Variants in PDE2A observed in about 807,000 individuals in gnomAD.
PDE2A encodes cGMP-dependent 3',5'-cyclic phosphodiesterase.
PDE2A carries 53 observed loss-of-function variants against 133.6 expected under a neutral mutation model. The observed-to-expected ratio is 0.40, with a 90% CI of 0.32 to 0.50. The LOEUF (loss-of-function observed/expected upper bound fraction) is 0.50, where lower values mean the gene tolerates loss of function less well. PDE2A is among the 20% of genes least tolerant of loss of function. PDE2A has a pLI of 0.73. For missense variants in PDE2A, 796 were observed against 1,232.4 expected (o/e 0.65, Z 5.30); for synonymous variants, 491 against 490.2 (o/e 1.00, Z -0.02).
intron 1 of PDE2A, chr11:72,652,378 CTGGAATTACAGGTGCATGA>C (rs1565192901): frequency 1.1e-4 from 44 of 402,930 alleles, no homozygotes; most frequent in Middle Eastern, 8.5e-4. Flanking sequence ...TCCCTAGTAG[CTGGAATTACAGGTGCATGA>C]CATGGCACCC....
At chr11:72,653,061 G>A (rs144307776) in intron 1 of PDE2A, among the ~76,000 whole-genome samples, 28 of 152,348 alleles carry the variant, frequency 1.8e-4, no homozygotes, top group African/African-American at 5.1e-4. Flanking sequence ...AGCACCCGTC[G>A]CTATGGAAGC....
chr11:72,599,127 T>C (rs539062402), intron 4 of PDE2A: 5 of 647,004 alleles, frequency 7.7e-6, no homozygotes, highest in Non-Finnish European at 9.6e-6. Context: ...CTTGCGTTGC[T>C]GGTCAGTGCG....
At chr11:72,584,400 T>C in intron 18 of PDE2A, 87 bp from the exon 19 acceptor site, 1 of 1,243,772 alleles carries the variant, frequency 8.0e-7, no homozygotes, top group Non-Finnish European at 1.2e-6. Flanking sequence ...CCCTCGCAGT[T>C]TCCGCAGGTT....
chr11:72,581,002 A>G (rs1471219720), intron 23 of PDE2A, 29 bp from the exon 24 acceptor site: 5 of 1,498,486 alleles, frequency 3.3e-6, no homozygotes, highest in Admixed American at 1.7e-5. Context: ...GGAGAAAAAA[A>G]AGAGGTCAGC....
At chr11:72,635,662 C>T (rs904855906) in intron 2 of PDE2A, among the ~76,000 whole-genome samples, 11 of 152,232 alleles carry the variant, frequency 7.2e-5, no homozygotes, top group Non-Finnish European at 1.5e-4. Flanking sequence ...TCATATATCG[C>T]TTGGAGATAT....
intron 2 of PDE2A, among the ~76,000 whole-genome samples, chr11:72,628,624 C>T (rs1196214801): frequency 6.6e-6 from 1 of 152,166 alleles, no homozygotes; most frequent in Non-Finnish European, 1.5e-5. Flanking sequence ...CCACCGCTCC[C>T]GGCAGTGATA....
intron 2 of PDE2A, among the ~76,000 whole-genome samples, chr11:72,637,092 T>C (rs1858733882): frequency 1.5e-5 from 2 of 137,386 alleles, no homozygotes; most frequent in South Asian, 2.1e-4. Context: ...CTCTCCCCTC[T>C]GTCCAGAACT....
chr11:72,642,375 A>G, intron 1 of PDE2A, 49 bp from the exon 2 acceptor site: 1 of 1,340,986 alleles, frequency 7.5e-7, no homozygotes, highest in Non-Finnish European at 9.6e-7. Flanking sequence ...CACCAGGACC[A>G]TGCTCGCAGC....
At chr11:72,654,283 G>A (rs1448831333) in intron 1 of PDE2A, among the ~76,000 whole-genome samples, 1 of 152,190 alleles carries the variant, frequency 6.6e-6, no homozygotes, top group African/African-American at 2.4e-5. Flanking sequence ...GAAGTGGCAG[G>A]CACTTGACGG....
At chr11:72,603,418 C>T (rs1337596336) in intron 4 of PDE2A, among the ~76,000 whole-genome samples, 1 of 152,212 alleles carries the variant, frequency 6.6e-6, no homozygotes, top group Non-Finnish European at 1.5e-5. Context: ...TACGCACCCA[C>T]TCTACATGCC....
At chr11:72,650,598 C>T (rs534779741) in intron 1 of PDE2A, among the ~76,000 whole-genome samples, 1 of 152,316 alleles carries the variant, frequency 6.6e-6, no homozygotes, top group South Asian at 2.1e-4. Flanking sequence ...GCACCTCCTA[C>T]CGTCCAGGCT....
At chr11:72,618,113 T>C (rs1340738136) in intron 2 of PDE2A, among the ~76,000 whole-genome samples, 1 of 151,658 alleles carries the variant, frequency 6.6e-6, no homozygotes, top group Non-Finnish European at 1.5e-5. Context: ...TCCTCCAGAG[T>C]GACAGGCTCC....
chr11:72,585,224 G>A, intron 16 of PDE2A, 147 bp downstream of exon 16: 1 of 736,218 alleles, frequency 1.4e-6, no homozygotes, highest in East Asian at 2.7e-5. Flanking sequence ...TCTAGCGAGG[G>A]AGACAGGCAT....
chr11:72,642,338 G>A lies in PDE2A; in HGVS notation c.72-12C>T, dbSNP rs1439072158. The A allele has an allele frequency of 9.8e-6, 15 of 1,534,516 alleles. No individual in the cohort carries two copies. Among genetic ancestry groups the A allele is most frequent in the Non-Finnish European group, 1.2e-5 (14 of 1,143,176 alleles). ...CCTGCTGGCCCCGCCTGAGGAATTG[G>A]ACAACAGCGATGAGGATGTGGTGCA... On this transcript the variant is annotated splice_polypyrimidine_tract_variant and intron_variant, in intron 1 of 30. Transcript: ENST00000334456.
chr11:72,577,706 C>T, intron 30 of PDE2A, 112 bp from the exon 31 acceptor site: 1 of 745,554 alleles, frequency 1.3e-6, no homozygotes, highest in Non-Finnish European at 2.3e-6. Context: ...GGTACGGTAG[C>T]TCACGCCTGT....
rs1856202635 is a variant in PDE2A, at chr11:72,590,637, C to T, written c.550-57G>A. The T allele has an allele frequency of 2.3e-6, 3 of 1,320,412 alleles. No homozygotes were observed. The highest frequency in any genetic ancestry group is 2.9e-6 in the Non-Finnish European group (3 of 1,036,946). 81.8% of individuals were successfully genotyped at this position (1,320,412 alleles called of 1,614,324 possible). ...CGCCCCAAGCTCGCTGCGCTTGCTG[C>T]AGCGGGATTCCTGCCTTTGCTCCCG... On this transcript the variant is annotated intron_variant, in intron 7 of 30. Coordinates refer to ENST00000334456, the MANE Select transcript of PDE2A (RefSeq NM_002599.5). The surrounding 1 kb of genome is among the most constrained non-coding windows in gnomAD (Gnocchi z 4.8).
intron 3 of PDE2A, among the ~76,000 whole-genome samples, chr11:72,608,004 C>T (rs530805146): frequency 1.3e-5 from 2 of 152,234 alleles, no homozygotes; most frequent in South Asian, 4.1e-4. Context: ...TGAACAGTGG[C>T]CATTGAAGCC....
At chr11:72,652,710 C>T (rs1258308669) in intron 1 of PDE2A, 1 of 456,302 alleles carries the variant, frequency 2.2e-6, no homozygotes, top group Non-Finnish European at 4.4e-6. Flanking sequence ...GACCTGAGGT[C>T]ATTCGTCCAA....
intron 6 of PDE2A, among the ~76,000 whole-genome samples, chr11:72,595,452 A>G (rs758460949): frequency 2.2e-4 from 34 of 152,082 alleles, no homozygotes; most frequent in Admixed American, 1.5e-3. Flanking sequence ...GAAACCAAGC[A>G]GCGGCCTTGG....
Sources: gnomAD v4.1 joint callset for allele counts (sites outside exome capture counted in the v4.1 genomes callset) on GRCh38, gnomAD v4.1.1 for gene constraint, Gnocchi (gnomAD v3.1) non-coding constraint, MANE v1.5 for transcripts, NCBI Gene and HGNC (gene_info 2026-07-23, HGNC 2026-07-21) for gene names.